The following ADGRB1 variants were observed in gnomAD, a reference collection of about 807,000 sequenced individuals.
The protein encoded by ADGRB1 is brain-specific angiogenesis inhibitor 1.
ADGRB1 carries 36 observed loss-of-function variants against 175.7 expected under a neutral mutation model. That is an observed-to-expected ratio of 0.20 (90% CI 0.16 to 0.27). The LOEUF is 0.27. Among genes scored for constraint, ADGRB1 ranks in the 10% least tolerant of loss-of-function variants. The pLI is 1.00. For missense variants in ADGRB1, 1,731 were observed against 2,255.3 expected, an observed-to-expected ratio of 0.77 and a Z score of 4.71; for synonymous variants, 1,054 against 979.4, an observed-to-expected ratio of 1.08 and a Z score of -1.42.
At chr8:142,500,274 C>G (rs1296073225) in intron 17 of ADGRB1, among the ~76,000 whole-genome samples, 1 of 94,090 alleles carries the variant, frequency 1.1e-5, no homozygotes, top group Admixed American at 1.0e-4. Context: ...CCACGCGCCG[C>G]TCCTCCACCT....
intron 17 of ADGRB1, among the ~76,000 whole-genome samples, chr8:142,495,868 A>G (rs1303117922): frequency 7.3e-6 from 1 of 136,324 alleles, no homozygotes; most frequent in Non-Finnish European, 1.6e-5. Flanking sequence ...GGAGAAGTGG[A>G]TGATGGATGG....
rs560594754 is a variant in ADGRB1, at chr8:142,543,126, A to G, written c.4414-277A>G. On this transcript the variant is annotated intron_variant, in intron 28 of 30. Transcript: ENST00000517894. This position sits in a 1 kb window ranked among gnomAD's most constrained non-coding sequence, Gnocchi z 4.4. ...GAGTTCTCTGTCGGGGGACCCAGCCATGTGGCCCCAAGTTCAGGTCTCCTT... is the reference window on the plus strand; with the variant it reads ...GAGTTCTCTGTCGGGGGACCCAGCCGTGTGGCCCCAAGTTCAGGTCTCCTT... 6.6e-5 allele frequency among the ~76,000 whole-genome samples: 10 copies of G among 152,212 alleles called. No individual in the cohort carries two copies. Among genetic ancestry groups the G allele is most frequent in the Admixed American group, 4.6e-4 (7 of 15,304 alleles).
chr8:142,489,550 T>C (rs1363092085), intron 16 of ADGRB1, 112 bp downstream of exon 16: 5 of 1,170,924 alleles, frequency 4.3e-6, no homozygotes, highest in African/African-American at 3.0e-5. Flanking sequence ...AGCTTTAACC[T>C]TCGAGAGCTA....
intron 2 of ADGRB1, among the ~76,000 whole-genome samples, chr8:142,470,541 C>CTG (rs142832548): frequency 1.3e-5 from 2 of 150,964 alleles, no homozygotes; most frequent in Non-Finnish European, 3.0e-5. Flanking sequence ...GTGTGTGTCC[C>CTG]TGTGTGTGTG....
Position 142,537,773 on chromosome 8 carries a change from T to C in ADGRB1, c.3666+691T>C, listed in dbSNP as rs1012569767. Among the ~76,000 whole-genome samples the C allele has an allele frequency of 4.4e-4, 67 of 152,254 alleles. No individual in the cohort carries two copies. Among genetic ancestry groups the C allele is most frequent in the African/African-American group, 1.5e-3 (64 of 41,550 alleles). Reference sequence around the variant, plus strand: ...ACAGGTCCTGGGAGGGCGGCCCAAGTGGCGGTTCCTACGTAAGGGCCCCCA... The same window carrying C: ...ACAGGTCCTGGGAGGGCGGCCCAAGCGGCGGTTCCTACGTAAGGGCCCCCA... On this transcript the variant is annotated intron_variant, in intron 26 of 30. Transcript: ENST00000517894. The surrounding 1 kb of genome is among the most constrained non-coding windows in gnomAD (Gnocchi z 4.6).
At chr8:142,516,365 CG>C (rs1211019786) in intron 18 of ADGRB1, among the ~76,000 whole-genome samples, 11 of 98,398 alleles carry the variant, frequency 1.1e-4, no homozygotes, top group Non-Finnish European at 1.7e-4. Flanking sequence ...TGCGTGTGTG[CG>C]GGCCCCAGGT....
intron 1 of ADGRB1, among the ~76,000 whole-genome samples, chr8:142,457,480 G>C (rs988939897): frequency 3.9e-5 from 6 of 152,200 alleles, no homozygotes; most frequent in Non-Finnish European, 8.8e-5. Flanking sequence ...AGGCAGCTGG[G>C]TGGGGCTGGG....
chr8:142,520,349 ATT>A (rs1453886301), intron 19 of ADGRB1, among the ~76,000 whole-genome samples: 70 of 135,364 alleles, frequency 5.2e-4, no homozygotes, highest in African/African-American at 1.8e-3. Context: ...AGTGGTAATG[ATT>A]GTATGATGAT....
At chr8:142,508,320 G>T (rs2132023044) in intron 17 of ADGRB1, among the ~76,000 whole-genome samples, 1 of 152,300 alleles carries the variant, frequency 6.6e-6, no homozygotes, top group Non-Finnish European at 1.5e-5. Flanking sequence ...AGTGGCTTCT[G>T]CCCTGGAGGG....
chr8:142,469,285 ATG>A lies in ADGRB1; in HGVS notation c.784+4310_784+4311del, dbSNP rs375271813. 1.8e-3 allele frequency among the ~76,000 whole-genome samples: 256 copies of A among 141,096 alleles called. 1 individual carries two copies. Among genetic ancestry groups the A allele is most frequent in the African/African-American group, 5.7e-3 (211 of 37,072 alleles). The allele number at this position is 141,096 out of a possible 152,430, so 92.6% of individuals were successfully genotyped here. ...TGTGTGTGCACGTGCAGGTGAGTGA[ATG>A]TGTGTGCACGCGTGCATGTGTGAAT... On this transcript the variant is annotated intron_variant, in intron 2 of 30. Transcript: ENST00000517894.
chr8:142,452,314 C>G (rs1839398659), intron 1 of ADGRB1, among the ~76,000 whole-genome samples: 1 of 152,204 alleles, frequency 6.6e-6, no homozygotes, highest in Admixed American at 6.5e-5. Context: ...CTGGGGGGCT[C>G]GAGCCTGGGG....
At chr8:142,507,976 C>T (rs1260745426) in intron 17 of ADGRB1, among the ~76,000 whole-genome samples, 3 of 151,958 alleles carry the variant, frequency 2.0e-5, no homozygotes, top group Non-Finnish European at 4.4e-5. Flanking sequence ...TGGGCCCTCT[C>T]GGTGGGAGAT....
chr8:142,524,526 C>A (rs1844060755), intron 23 of ADGRB1, among the ~76,000 whole-genome samples: 1 of 152,224 alleles, frequency 6.6e-6, no homozygotes, highest in Non-Finnish European at 1.5e-5. Flanking sequence ...CCCTTCACAC[C>A]TGTGAGTCTC....
At chr8:142,483,350 C>A (rs188263781) in intron 11 of ADGRB1, among the ~76,000 whole-genome samples, 4 of 89,226 alleles carry the variant, frequency 4.5e-5, no homozygotes. Context: ...TCACACTGAG[C>A]CCTGACCCTG....
At chr8:142,503,241 G>A (rs1163819364) in intron 17 of ADGRB1, among the ~76,000 whole-genome samples, 1 of 152,056 alleles carries the variant, frequency 6.6e-6, no homozygotes, top group South Asian at 2.1e-4. Context: ...GGAAATGGCG[G>A]GAGAGCCAAG....
At chr8:142,524,212 G>A (rs766639169) in intron 22 of ADGRB1, 26 bp from the exon 23 acceptor site, 25 of 1,592,460 alleles carry the variant, frequency 1.6e-5, no homozygotes, top group Middle Eastern at 1.6e-4. Context: ...CACACGGGCG[G>A]TGCTGATGGC....
chr8:142,507,663 G>T lies in ADGRB1; in HGVS notation c.2676-3269G>T, dbSNP rs533234603. On this transcript the variant is annotated intron_variant, in intron 17 of 30. Transcript: ENST00000517894. Reference sequence around the variant, plus strand: ...CCTGCAGACTGGCCAGTGCGGCTGGGAACCAGCCAGGCTGCTGGCCCCAGC... The same window carrying T: ...CCTGCAGACTGGCCAGTGCGGCTGGTAACCAGCCAGGCTGCTGGCCCCAGC... Among the ~76,000 whole-genome samples the T allele has an allele frequency of 3.3e-4, 50 of 152,330 alleles. 1 individual carries two copies. In the South Asian group the frequency reaches 0.01, roughly 32 times the overall value.
chr8:142,464,153 G>C lies in ADGRB1; in HGVS notation c.-46G>C. 8.6e-7 allele frequency: 1 copy of C among 1,157,240 alleles called. No individual in the cohort carries two copies. Among genetic ancestry groups the C allele is most frequent in the Non-Finnish European group, 1.1e-6 (1 of 943,630 alleles). The allele number at this position is 1,157,240 out of a possible 1,614,324, so 71.7% of individuals were successfully genotyped here. A position where few individuals can be genotyped will look rare whatever the true frequency, so the allele number is the denominator to read the frequency against. On this transcript the variant is annotated 5_prime_UTR_variant, in exon 2 of 31. Transcript: ENST00000517894. ...CCTGGCATGTCAAGACCTGGTCCGC[G>C]CCTGCCTGCCCAGCCCGCGGAACCC... is the stretch of plus-strand genomic sequence containing the variant.
intron 24 of ADGRB1, among the ~76,000 whole-genome samples, chr8:142,530,893 C>T (rs1844587840): frequency 6.6e-6 from 1 of 152,344 alleles, no homozygotes; most frequent in Admixed American, 6.5e-5. Flanking sequence ...AGCTCCCGGG[C>T]CTTTCTGCTT....
Sources: allele counts gnomAD v4.1 joint callset (sites outside exome capture counted in the v4.1 genomes callset), GRCh38; gene constraint gnomAD v4.1.1; non-coding constraint Gnocchi (gnomAD v3.1); transcripts MANE v1.5; gene names NCBI Gene and HGNC (gene_info 2026-07-23, HGNC 2026-07-21).